The following GPM6B variants were observed in gnomAD, a reference collection of about 807,000 sequenced individuals.
GPM6B encodes the protein glycoprotein M6B.
GPM6B carries 4 observed loss-of-function variants against 27.2 expected under a neutral mutation model. The observed-to-expected ratio is 0.15, with a 90% CI of 0.07 to 0.34. The LOEUF is 0.34. GPM6B is among the 10% of genes least tolerant of loss of function. The probability of loss-of-function intolerance (pLI) is 1.00; values close to 1 mark genes in which losing one functional copy is unlikely to be tolerated. For synonymous variants in GPM6B, 124 were observed against 103.1 expected (o/e 1.20, Z -1.23); for missense variants, 183 against 261.9 (o/e 0.70, Z 2.08).
At chrX:13,877,721 G>T (rs2050049716) in intron 1 of GPM6B, among the ~76,000 whole-genome samples, 1 of 103,643 alleles carries the variant, frequency 9.6e-6, no homozygotes, top group Admixed American at 1.1e-4. Context: ...AGCTACTTGG[G>T]AGGCTGAGGT....
At chrX:13,855,622 T>C (rs966393907) in intron 1 of GPM6B, among the ~76,000 whole-genome samples, 5 of 112,158 alleles carry the variant, frequency 4.5e-5, no homozygotes, top group African/African-American at 9.7e-5. Flanking sequence ...ATTTCAAAAT[T>C]GCTGAATAAT....
upstream of GPM6B, among the ~76,000 whole-genome samples, chrX:13,822,324 T>C (rs1388388123): frequency 9.0e-6 from 1 of 111,722 alleles, no homozygotes; most frequent in Admixed American, 9.5e-5. Context: ...AAATTATAAA[T>C]AAATTGTGCT....
chrX:13,812,218 T>A (rs1304472577), intron 1 of GPM6B, among the ~76,000 whole-genome samples: 1 of 108,276 alleles, frequency 9.2e-6, no homozygotes. Flanking sequence ...CCCGGCTAAT[T>A]TTGTTTTTGT....
At chrX:13,860,999 T>C (rs2049838544) in intron 1 of GPM6B, among the ~76,000 whole-genome samples, 1 of 85,549 alleles carries the variant, frequency 1.2e-5, no homozygotes, top group Non-Finnish European at 2.3e-5. Flanking sequence ...ACAGAATGAA[T>C]GTGCATACAC....
chrX:13,938,179 C>A (rs1243170832), intron 1 of GPM6B: 1 of 192,255 alleles, frequency 5.2e-6, no homozygotes, highest in East Asian at 9.0e-5. Flanking sequence ...AAATAAAGCA[C>A]TAGCCCGGGA....
At chrX:13,905,838 T>G (rs1434323679) in intron 1 of GPM6B, among the ~76,000 whole-genome samples, 2 of 110,454 alleles carry the variant, frequency 1.8e-5, no homozygotes, top group Non-Finnish European at 1.9e-5. Context: ...GTGAGAAGAT[T>G]TGGTCTGAGC....
intron 1 of GPM6B, among the ~76,000 whole-genome samples, chrX:13,846,616 A>G (rs1212442166): frequency 2.8e-5 from 3 of 108,850 alleles, no homozygotes; most frequent in Non-Finnish European, 3.8e-5. Context: ...TCAGCCTCCC[A>G]AGTAGCTGGT....
intron 2 of GPM6B, among the ~76,000 whole-genome samples, chrX:13,790,299 A>C (rs1280536151): frequency 1.8e-5 from 2 of 112,569 alleles, no homozygotes; most frequent in African/African-American, 6.4e-5. Flanking sequence ...GAAAACTATC[A>C]GAGGTCAAGA....
intron 1 of GPM6B, among the ~76,000 whole-genome samples, chrX:13,899,615 G>A (rs1212053614): frequency 3.6e-5 from 4 of 110,512 alleles, no homozygotes. Flanking sequence ...ACAGAAACAC[G>A]CAAGTATGGA....
chrX:13,796,418 G>A (rs2048817142), intron 2 of GPM6B, among the ~76,000 whole-genome samples: 1 of 112,146 alleles, frequency 8.9e-6, no homozygotes, highest in African/African-American at 3.2e-5. Context: ...CAACTCAGAA[G>A]AGCAAAGGCG....
intron 7 of GPM6B, chrX:13,774,181 T>C (rs1319557628): frequency 3.3e-5 from 25 of 755,007 alleles, no homozygotes; most frequent in Non-Finnish European, 3.9e-5. Flanking sequence ...ATTTTCATCA[T>C]TGAAACTGGT....
Position 13,878,305 on chromosome X carries a change from A to G in GPM6B, c.-198+60022T>C, listed in dbSNP as rs751873782. On this transcript the variant is annotated intron_variant, in intron 1 of 6. Transcript: ENST00000398361. Reference sequence around the variant, plus strand: ...TACCCTTTCCACTTGCATATGCTCTAATTATTCCTATCAGCATGGGTCAGG... The same window carrying G: ...TACCCTTTCCACTTGCATATGCTCTGATTATTCCTATCAGCATGGGTCAGG... 1.3e-4 allele frequency among the ~76,000 whole-genome samples: 14 copies of G among 108,164 alleles called. 1 individual carries two copies. In the South Asian group the frequency reaches 5.8e-3, roughly 45 times the overall value. The allele number at this position is 108,164 out of a possible 115,157, so 93.9% of individuals were successfully genotyped here.
intron 5 of GPM6B, 55 bp downstream of exon 5, chrX:13,779,761 CAT>C (rs1363886805): frequency 3.1e-6 from 3 of 967,961 alleles, no homozygotes; most frequent in Non-Finnish European, 4.3e-6. Context: ...TAGGTCCAGA[CAT>C]ATGCACGAGA....
intron 1 of GPM6B, among the ~76,000 whole-genome samples, chrX:13,847,940 G>A (rs181860100): frequency 2.1e-4 from 23 of 111,812 alleles, no homozygotes; most frequent in Non-Finnish European, 3.4e-4. Flanking sequence ...GAGATAAGTC[G>A]AGAAGACCAG....
chrX:13,930,513 C>T (rs781126530), intron 1 of GPM6B, among the ~76,000 whole-genome samples: 9 of 111,116 alleles, frequency 8.1e-5, no homozygotes, highest in African/African-American at 2.9e-4. Context: ...ACTCGAGAGA[C>T]TGAGGCAGAA....
At chrX:13,936,059 C>T (rs1921822524) in intron 1 of GPM6B, among the ~76,000 whole-genome samples, 1 of 111,550 alleles carries the variant, frequency 9.0e-6, no homozygotes, top group South Asian at 3.8e-4. Flanking sequence ...GGAGTGACTG[C>T]GAAATGGGTA....
intron 1 of GPM6B, among the ~76,000 whole-genome samples, chrX:13,861,944 G>A (rs747780673): frequency 3.5e-4 from 39 of 111,539 alleles, no homozygotes; most frequent in African/African-American, 1.2e-3. Flanking sequence ...AGGAACCCAC[G>A]ATCCAGAAAT....
intron 1 of GPM6B, among the ~76,000 whole-genome samples, chrX:13,876,441 C>T (rs770216505): frequency 1.8e-4 from 20 of 112,458 alleles, no homozygotes; most frequent in Non-Finnish European, 3.6e-4. Context: ...TTTTGACATA[C>T]AAATGTTCTC....
intron 1 of GPM6B, among the ~76,000 whole-genome samples, chrX:13,866,037 C>A (rs1013556505): frequency 9.9e-5 from 11 of 110,840 alleles, no homozygotes; most frequent in Admixed American, 9.6e-5. Flanking sequence ...TTACTAGGGG[C>A]TATGGAGGGT....
Sources: allele counts gnomAD v4.1 joint callset (sites outside exome capture counted in the v4.1 genomes callset), GRCh38; gene constraint gnomAD v4.1.1; transcripts MANE v1.5; gene names NCBI Gene and HGNC (gene_info 2026-07-23, HGNC 2026-07-21).